MMP28: variants seen among roughly 807,000 people sequenced by gnomAD.
MMP28 encodes the protein matrix metalloproteinase-28.
In MMP28, 55 loss-of-function variants were observed where a neutral mutation model predicts 60.5. The observed-to-expected ratio is 0.91, with a 90% CI of 0.73 to 1.14. The LOEUF (loss-of-function observed/expected upper bound fraction) is 1.14, where lower values mean the gene tolerates loss of function less well. Ranked by LOEUF, MMP28 falls within the 50% of genes most tolerant of loss-of-function variation. The probability of loss-of-function intolerance (pLI) is 0.00; values close to 1 mark genes in which losing one functional copy is unlikely to be tolerated. For missense variants in MMP28, 686 were observed against 738.3 expected (o/e 0.93, Z 0.82); for synonymous variants, 318 against 312.5 (o/e 1.02, Z -0.18).
chr17:35,758,516 A>G (rs1337991699), intron 2 of MMP28, among the ~76,000 whole-genome samples: 1 of 151,548 alleles, frequency 6.6e-6, no homozygotes, highest in Non-Finnish European at 1.5e-5. Flanking sequence ...ACAGGGTGAA[A>G]CCCCGTCTCT....
chr17:35,788,948 G>T (rs939565959), intron 1 of MMP28, among the ~76,000 whole-genome samples: 1 of 152,200 alleles, frequency 6.6e-6, no homozygotes, highest in Non-Finnish European at 1.5e-5. Context: ...ACTCAGCAGA[G>T]CATGCTCTTC....
intron 1 of MMP28, among the ~76,000 whole-genome samples, chr17:35,782,214 G>A (rs1020546924): frequency 2.6e-5 from 4 of 151,980 alleles, no homozygotes; most frequent in Non-Finnish European, 4.4e-5. Context: ...ACCACACCCA[G>A]CTAATTTTGT....
chr17:35,767,820 A>G lies in MMP28; in HGVS notation c.1100T>C (p.Val367Ala). 1 of 1,610,396 alleles carries G rather than the reference A, an allele frequency of 6.2e-7. No homozygotes were observed. The highest frequency in any genetic ancestry group is 8.5e-7 in the Non-Finnish European group (1 of 1,178,604). Reference sequence around the variant, plus strand: ...AGCCTCAATGTTGGGGGGCAGCCCGACCCATCTTTCCTGCAGTGGACGGGG... The same window carrying G: ...AGCCTCAATGTTGGGGGGCAGCCCGGCCCATCTTTCCTGCAGTGGACGGGG... ...SEPRPLQERWVGLPPNIEAAA... is the reference protein window; with the variant it reads ...SEPRPLQERWAGLPPNIEAAA... Residue 367 changes from valine to alanine, a missense_variant, in exon 7 of 8, where the codon GTC (valine) becomes GCC (alanine). Val to Ala is a moderately conservative substitution (Grantham distance 64). Transcript: ENST00000605424.
At chr17:35,760,992 GGACCTCTTGACCCTA>G (rs782510083), downstream of MMP28, 22 of 1,601,570 alleles carry the variant, frequency 1.4e-5, no homozygotes, top group Non-Finnish European at 1.8e-5. Context: ...CTGGAGGACA[GGACCTCTTGACCCTA>G]GCTTGGACAA....
intron 1 of MMP28, among the ~76,000 whole-genome samples, chr17:35,790,931 T>G (rs2086796800): frequency 6.6e-6 from 1 of 151,454 alleles, no homozygotes; most frequent in Admixed American, 6.6e-5. Context: ...GGTCTCTCTA[T>G]GTTGCCCAGG....
chr17:35,764,207 C>T (rs2085885650), downstream of MMP28: 2 of 1,547,396 alleles, frequency 1.3e-6, no homozygotes, highest in Non-Finnish European at 1.7e-6. Context: ...GTCCTACTGC[C>T]CGCTGCGCCA....
chr17:35,758,990 T>C (rs1555600959), intron 2 of MMP28, among the ~76,000 whole-genome samples: 1 of 152,146 alleles, frequency 6.6e-6, no homozygotes, highest in Non-Finnish European at 1.5e-5. Context: ...GGGCATTAAA[T>C]CTTAGTGAGT....
At position 35,766,423 on chromosome 17, in the gene MMP28, G is replaced by A. The variant is rs1555603116; in HGVS notation, c.*77C>T. The A allele has an allele frequency of 6.9e-7, 1 of 1,453,254 alleles. No individual in the cohort carries two copies. The allele number at this position is 1,453,254 out of a possible 1,614,324, so 90.0% of individuals were successfully genotyped here. On this transcript the variant is annotated 3_prime_UTR_variant, in exon 8 of 8. Coordinates refer to ENST00000605424, the MANE Select transcript of MMP28 (RefSeq NM_024302.5). This position sits in a 1 kb window ranked among gnomAD's most constrained non-coding sequence, Gnocchi z 4.3. The stretch of plus-strand genomic sequence containing the variant: ...TGCAGAGGGACTCAGAGGCTTCTAA[G>A]AGGGGTTCTGCCCCGGGGGTGGGGA...
At chr17:35,762,687 T>G (rs2085844106), downstream of MMP28, among the ~76,000 whole-genome samples, 1 of 152,112 alleles carries the variant, frequency 6.6e-6, no homozygotes, top group Non-Finnish European at 1.5e-5. Flanking sequence ...ATAAGGCACC[T>G]TTTCTAATCA....
chr17:35,788,060 C>T (rs2086706171), intron 1 of MMP28, among the ~76,000 whole-genome samples: 1 of 151,904 alleles, frequency 6.6e-6, no homozygotes, highest in Non-Finnish European at 1.5e-5. Context: ...CATGTGCCAT[C>T]GTGCCTGGCT....
chr17:35,771,377 G>C (rs2086132189), intron 4 of MMP28, among the ~76,000 whole-genome samples: 2 of 144,486 alleles, frequency 1.4e-5, no homozygotes, highest in South Asian at 4.3e-4. Flanking sequence ...CTTGCAGTGA[G>C]CTGAGATCAC....
chr17:35,794,467 A>G (rs1047898473), intron 1 of MMP28, among the ~76,000 whole-genome samples: 1 of 151,876 alleles, frequency 6.6e-6, no homozygotes, highest in Admixed American at 6.5e-5. Context: ...GCTGGTCTCG[A>G]ACTCCTGACC....
At chr17:35,764,099 G>A (rs2085882577), downstream of MMP28, 2 of 1,550,292 alleles carry the variant, frequency 1.3e-6, no homozygotes, top group South Asian at 2.4e-5. Flanking sequence ...GGAGGACGAG[G>A]ACGAGGACAA....
intron 3 of MMP28, among the ~76,000 whole-genome samples, chr17:35,775,264 T>C (rs556326243): frequency 2.2e-4 from 34 of 152,312 alleles, no homozygotes; most frequent in African/African-American, 8.2e-4. Flanking sequence ...AGAAAGGACC[T>C]GGCTGGGGGC....
At chr17:35,793,969 A>C (rs1343950941) in intron 1 of MMP28, among the ~76,000 whole-genome samples, 1 of 151,998 alleles carries the variant, frequency 6.6e-6, no homozygotes, top group African/African-American at 2.4e-5. Context: ...ATGATCGTGC[A>C]TGCCTATAAT....
intron 2 of MMP28, among the ~76,000 whole-genome samples, chr17:35,759,562 G>A (rs1465161416): frequency 2.0e-5 from 3 of 152,114 alleles, no homozygotes; most frequent in Non-Finnish European, 4.4e-5. Context: ...TTAGCCAGGT[G>A]TGGTGACACG....
At position 35,768,397 on chromosome 17, in the gene MMP28, TAAGAG is replaced by T. The variant is rs2086013148; in HGVS notation, c.851-23_851-19del. On this transcript the variant is annotated intron_variant, in intron 5 of 7. Transcript: ENST00000605424. The stretch of plus-strand genomic sequence containing the variant: ...GGGCTTCCCTTTGTGAGTAAGGAAA[TAAGAG>T]AGAGAGAGAACACACATAGGGTAGA... The T allele has an allele frequency of 1.9e-6, 3 of 1,582,400 alleles. No individual in the cohort carries two copies. Among genetic ancestry groups the T allele is most frequent in the Middle Eastern group, 1.9e-4 (1 of 5,324 alleles).
At chr17:35,763,935 A>C (rs1039039990), downstream of MMP28, 64 of 1,044,796 alleles carry the variant, frequency 6.1e-5, no homozygotes, top group Middle Eastern at 2.7e-4. Flanking sequence ...TAAATAAATA[A>C]ATACATGAAA....
downstream of MMP28, chr17:35,763,888 C>A (rs887837246): frequency 2.8e-5 from 20 of 711,548 alleles, no homozygotes; most frequent in African/African-American, 4.8e-4. Flanking sequence ...CAGAGAGAGA[C>A]CCTGTCTCAA....
Sources: allele counts gnomAD v4.1 joint callset (sites outside exome capture counted in the v4.1 genomes callset), GRCh38; gene constraint gnomAD v4.1.1; non-coding constraint Gnocchi (gnomAD v3.1); transcripts MANE v1.5; gene names NCBI Gene and HGNC (gene_info 2026-07-23, HGNC 2026-07-21).